TOX: variants seen among roughly 807,000 people sequenced by gnomAD.
TOX encodes the protein thymocyte selection associated high mobility group box.
In TOX, 11 loss-of-function variants were observed where a neutral mutation model predicts 53.7. The observed-to-expected ratio is 0.20, with a 90% confidence interval of 0.13 to 0.34. The LOEUF (loss-of-function observed/expected upper bound fraction) is 0.34. Among genes scored for constraint, TOX ranks in the 10% least tolerant of loss-of-function variants. TOX has a pLI of 1.00. For synonymous variants in TOX, 225 were observed against 245.3 expected (o/e 0.92, Z 0.77); for missense variants, 570 against 664.6 (o/e 0.86, Z 1.56).
intron 1 of TOX, among the ~76,000 whole-genome samples, chr8:59,088,215 A>G (rs1804547839): frequency 6.6e-6 from 1 of 152,224 alleles, no homozygotes; most frequent in Non-Finnish European, 1.5e-5. Context: ...GATGATTAGC[A>G]GTGTAATTTA....
At chr8:58,901,543 T>C (rs569710779) in intron 3 of TOX, among the ~76,000 whole-genome samples, 1 of 152,298 alleles carries the variant, frequency 6.6e-6, no homozygotes, top group African/African-American at 2.4e-5. Flanking sequence ...GGAAACTGAG[T>C]TGTAGTAATT....
intron 1 of TOX, among the ~76,000 whole-genome samples, chr8:59,067,570 AAAAT>A (rs1804116680): frequency 6.6e-6 from 1 of 152,098 alleles, no homozygotes; most frequent in Non-Finnish European, 1.5e-5. Flanking sequence ...ATAAATAAAT[AAAAT>A]AAATAAATAA....
intron 1 of TOX, among the ~76,000 whole-genome samples, chr8:59,054,320 T>C (rs437945): frequency 0.09 from 13,724 of 152,236 alleles, 1,475 homozygotes; most frequent in East Asian, 0.49. Flanking sequence ...CTCCTTCCTT[T>C]GGCAGAAAGA....
At chr8:58,891,723 C>T (rs1236677575) in intron 3 of TOX, among the ~76,000 whole-genome samples, 13 of 152,182 alleles carry the variant, frequency 8.5e-5, no homozygotes, top group Non-Finnish European at 1.3e-4. Context: ...AGAAGCTGAG[C>T]GCTTAGAGAG....
At chr8:58,994,992 C>T (rs1326549487) in intron 1 of TOX, among the ~76,000 whole-genome samples, 1 of 152,202 alleles carries the variant, frequency 6.6e-6, no homozygotes, top group African/African-American at 2.4e-5. Context: ...CACTAAGTGT[C>T]AATAAAGTGT....
rs1812849372 is a variant in TOX, at chr8:58,964,090, CA to C, written c.103-4083del. On this transcript the variant is annotated intron_variant, in intron 1 of 8. Transcript: ENST00000361421. ...TTAAAGAGAACAACAACGACAACAA[CA>C]ACAAAAAAGAATAAAAAGAAAAGAA... Among the ~76,000 whole-genome samples, 6 of 151,900 alleles carry C rather than the reference CA, an allele frequency of 3.9e-5. No individual in the cohort carries two copies. In the South Asian group the frequency reaches 1.2e-3, roughly 32 times the overall value.
At chr8:58,826,672 A>G in intron 6 of TOX, 150 bp downstream of exon 6, 1 of 567,676 alleles carries the variant, frequency 1.8e-6, no homozygotes, top group African/African-American at 1.9e-5. Flanking sequence ...ATATTTCCAT[A>G]TCGTATAGCT....
rs529296686 is a variant in TOX, at chr8:58,831,953, G to A, written c.925-5051C>T. On this transcript the variant is annotated intron_variant, in intron 5 of 8. Transcript: ENST00000361421. ...CACAACAGACTTGAAGGAGTATTAT[G>A]TTTAAATTATTTTCCTGCCAACATC... is the stretch of plus-strand genomic sequence containing the variant. Among the ~76,000 whole-genome samples the A allele has an allele frequency of 6.4e-4, 97 of 152,078 alleles. No individual in the cohort carries two copies. The South Asian group carries it at 0.02, about 31-fold the overall frequency.
chr8:58,955,592 T>C (rs1408613216), intron 2 of TOX, among the ~76,000 whole-genome samples: 2 of 152,228 alleles, frequency 1.3e-5, no homozygotes, highest in Non-Finnish European at 2.9e-5. Context: ...GGATTATTTC[T>C]TGTATTAAAA....
chr8:59,094,509 A>G (rs186141376), intron 1 of TOX, among the ~76,000 whole-genome samples: 16 of 151,976 alleles, frequency 1.1e-4, no homozygotes, highest in Non-Finnish European at 1.8e-4. Flanking sequence ...GTAGTGGCAC[A>G]CGCATATAGG....
At chr8:58,968,438 A>G (rs1033669342) in intron 1 of TOX, among the ~76,000 whole-genome samples, 1 of 152,208 alleles carries the variant, frequency 6.6e-6, no homozygotes, top group Non-Finnish European at 1.5e-5. Context: ...GTTTCAAATG[A>G]TTGGTTCAGA....
chr8:58,924,338 A>G (rs1000511474), intron 3 of TOX, among the ~76,000 whole-genome samples: 1 of 152,232 alleles, frequency 6.6e-6, no homozygotes, highest in African/African-American at 2.4e-5. Context: ...CTCTCTCCAT[A>G]CATACTAAGC....
intron 3 of TOX, among the ~76,000 whole-genome samples, chr8:58,898,887 C>T (rs1447349563): frequency 4.6e-5 from 7 of 152,226 alleles, no homozygotes; most frequent in South Asian, 4.1e-4. Flanking sequence ...ATCTATTAAA[C>T]GGAGGTGTTT....
chr8:58,973,876 C>A (rs938564648), intron 1 of TOX, among the ~76,000 whole-genome samples: 2 of 152,080 alleles, frequency 1.3e-5, no homozygotes, highest in East Asian at 3.9e-4. Flanking sequence ...CAGCTCACTG[C>A]AACCTCTGCC....
At chr8:58,967,125 C>T (rs1554534191) in intron 1 of TOX, among the ~76,000 whole-genome samples, 1 of 152,024 alleles carries the variant, frequency 6.6e-6, no homozygotes, top group Non-Finnish European at 1.5e-5. Flanking sequence ...CTGCCCTCCT[C>T]GGCCTCCCAA....
chr8:58,856,178 C>A (rs986924945), intron 3 of TOX, among the ~76,000 whole-genome samples: 2 of 152,172 alleles, frequency 1.3e-5, no homozygotes, highest in Non-Finnish European at 2.9e-5. Flanking sequence ...CCTAAATGTA[C>A]TTTAAAGTCA....
Position 59,117,066 on chromosome 8 carries a change from T to C in TOX, c.102+1820A>G, listed in dbSNP as rs1344564138. Among the ~76,000 whole-genome samples, 1 of 152,230 alleles carries C rather than the reference T, an allele frequency of 6.6e-6. No homozygotes were observed. The highest frequency in any genetic ancestry group is 2.1e-4 in the South Asian group (1 of 4,834). ...GTGTATCCAAGTCATTAACTTCTTT[T>C]TGGGGCCTAAAATCACTGATAAACT... On this transcript the variant is annotated intron_variant, in intron 1 of 8. Coordinates refer to ENST00000361421, the MANE Select transcript of TOX (RefSeq NM_014729.3). This position sits in a 1 kb window ranked among gnomAD's most constrained non-coding sequence, Gnocchi z 4.6.
intron 3 of TOX, among the ~76,000 whole-genome samples, chr8:58,854,576 G>T (rs577556844): frequency 1.3e-5 from 2 of 152,144 alleles, no homozygotes; most frequent in African/African-American, 4.8e-5. Context: ...ATCAATCTGG[G>T]TAAGGATGGT....
intron 3 of TOX, among the ~76,000 whole-genome samples, chr8:58,878,607 G>T (rs1272619204): frequency 6.6e-6 from 1 of 152,156 alleles, no homozygotes; most frequent in Non-Finnish European, 1.5e-5. Flanking sequence ...AGCTTCATTT[G>T]TCTTTGATAA....
Sources: allele counts gnomAD v4.1 joint callset (sites outside exome capture counted in the v4.1 genomes callset), GRCh38; gene constraint gnomAD v4.1.1; non-coding constraint Gnocchi (gnomAD v3.1); transcripts MANE v1.5; gene names NCBI Gene and HGNC (gene_info 2026-07-23, HGNC 2026-07-21).